Variants in LCLAT1 observed in about 807,000 individuals in gnomAD.
LCLAT1 encodes lysocardiolipin acyltransferase 1.
In LCLAT1, 11 loss-of-function variants were observed where a neutral mutation model predicts 30.7. That is an observed-to-expected ratio of 0.36 (90% CI 0.23 to 0.59). LCLAT1 has a LOEUF of 0.59. LCLAT1 is among the 20% of genes least tolerant of loss of function. The pLI, the probability that LCLAT1 is intolerant of heterozygous loss-of-function variation, is 0.77. For synonymous variants in LCLAT1, 155 were observed against 151.3 expected (o/e 1.02, Z -0.18); for missense variants, 402 against 458.6 (o/e 0.88, Z 1.13).
chr2:30,458,147 G>A (rs1681927058), intron 1 of LCLAT1, among the ~76,000 whole-genome samples: 1 of 152,170 alleles, frequency 6.6e-6, no homozygotes, highest in Non-Finnish European at 1.5e-5. Flanking sequence ...AGTTGCTTTT[G>A]GAGAGGTAGA....
intron 1 of LCLAT1, among the ~76,000 whole-genome samples, chr2:30,496,816 A>G (rs143563758): frequency 3.1e-4 from 47 of 152,310 alleles, no homozygotes; most frequent in African/African-American, 1.1e-3. Context: ...GATACCATAT[A>G]CACTGTGCTT....
intron 3 of LCLAT1, chr2:30,552,681 T>G (rs1664734989): frequency 3.6e-6 from 1 of 275,472 alleles, no homozygotes; most frequent in Admixed American, 4.6e-5. Context: ...CTTCCTTAAC[T>G]TTATCTATCC....
chr2:30,513,910 A>G (rs1165553301), intron 1 of LCLAT1, among the ~76,000 whole-genome samples: 1 of 152,366 alleles, frequency 6.6e-6, no homozygotes, highest in East Asian at 1.9e-4. Context: ...TCTAAAATGT[A>G]TAAAACCAAA....
At chr2:30,558,038 A>G (rs1318565305) in intron 3 of LCLAT1, among the ~76,000 whole-genome samples, 1 of 152,228 alleles carries the variant, frequency 6.6e-6, no homozygotes, top group Admixed American at 6.5e-5. Context: ...CTAAAACAGT[A>G]AAGCTAATAG....
intron 1 of LCLAT1, among the ~76,000 whole-genome samples, chr2:30,488,647 C>T (rs1683678711): frequency 1.3e-5 from 2 of 152,216 alleles, no homozygotes; most frequent in South Asian, 4.1e-4. Context: ...AGTTTTAGCA[C>T]TCAATAACTC....
intron 5 of LCLAT1, among the ~76,000 whole-genome samples, chr2:30,592,826 G>A (rs1188689498): frequency 6.6e-6 from 1 of 150,834 alleles, no homozygotes; most frequent in Non-Finnish European, 1.5e-5. Flanking sequence ...TGTATTTTGG[G>A]GGGCATATGT....
chr2:30,449,127 A>G (rs998920192), intron 1 of LCLAT1, among the ~76,000 whole-genome samples: 1 of 152,212 alleles, frequency 6.6e-6, no homozygotes, highest in Non-Finnish European at 1.5e-5. Flanking sequence ...TAATTTGTCC[A>G]TATCACACAA....
At chr2:30,619,175 A>G (rs1445427093) in intron 5 of LCLAT1, among the ~76,000 whole-genome samples, 2 of 152,212 alleles carry the variant, frequency 1.3e-5, no homozygotes, top group East Asian at 1.9e-4. Flanking sequence ...GTTGAGAACC[A>G]CTGGTTTTGA....
intron 5 of LCLAT1, among the ~76,000 whole-genome samples, chr2:30,578,881 A>C (rs977743599): frequency 6.6e-6 from 1 of 152,174 alleles, no homozygotes; most frequent in Non-Finnish European, 1.5e-5. Flanking sequence ...TGACCACAAC[A>C]AGTTCATAAT....
At chr2:30,552,173 A>G (rs1664709683) in intron 3 of LCLAT1, among the ~76,000 whole-genome samples, 1 of 152,242 alleles carries the variant, frequency 6.6e-6, no homozygotes, top group Non-Finnish European at 1.5e-5. Flanking sequence ...CTCAGATAAT[A>G]GCTCATTTAG....
At chr2:30,590,193 TA>T (rs1463804327) in intron 5 of LCLAT1, among the ~76,000 whole-genome samples, 2 of 152,116 alleles carry the variant, frequency 1.3e-5, no homozygotes, top group Non-Finnish European at 2.9e-5. Context: ...TCATTTTAAA[TA>T]AACGCCTAGT....
At position 30,547,377 on chromosome 2, in the gene LCLAT1, T is replaced by A. The variant is rs78170188; in HGVS notation, c.364+14063T>A. On this transcript the variant is annotated intron_variant, in intron 3 of 5. Coordinates refer to ENST00000379509, the MANE Select transcript of LCLAT1 (RefSeq NM_001002257.3). The stretch of plus-strand genomic sequence containing the variant: ...TTCTTCCTCTGTGTTATTCCACATA[T>A]TACTTAATAACTAAAGGTCAGAAGT... 4.2e-3 allele frequency among the ~76,000 whole-genome samples: 647 copies of A among 152,334 alleles called. 7 individuals carry two copies. Among genetic ancestry groups the A allele is most frequent in the African/African-American group, 0.015 (612 of 41,586 alleles).
At chr2:30,465,834 A>G (rs1034089295) in intron 1 of LCLAT1, among the ~76,000 whole-genome samples, 1 of 152,204 alleles carries the variant, frequency 6.6e-6, no homozygotes, top group South Asian at 2.1e-4. Flanking sequence ...TTCTCTTATT[A>G]GTGAAGTGGC....
At chr2:30,619,455 C>T (rs1366059330) in intron 5 of LCLAT1, among the ~76,000 whole-genome samples, 1 of 152,204 alleles carries the variant, frequency 6.6e-6, no homozygotes, top group Non-Finnish European at 1.5e-5. Flanking sequence ...CTTCACTTTC[C>T]ATCTTATCCC....
At chr2:30,494,064 A>C (rs1683975634) in intron 1 of LCLAT1, among the ~76,000 whole-genome samples, 4 of 152,020 alleles carry the variant, frequency 2.6e-5, no homozygotes. Flanking sequence ...TAGAAGAATA[A>C]AAAAATAATT....
chr2:30,553,586 C>T (rs911504797), intron 3 of LCLAT1, among the ~76,000 whole-genome samples: 2 of 152,008 alleles, frequency 1.3e-5, no homozygotes, highest in African/African-American at 2.4e-5. Context: ...GAGGCCGAGG[C>T]GGGTGGATCA....
chr2:30,483,839 G>A (rs1448353850), intron 1 of LCLAT1, among the ~76,000 whole-genome samples: 1 of 152,190 alleles, frequency 6.6e-6, no homozygotes, highest in Non-Finnish European at 1.5e-5. Context: ...GCAGCATAGT[G>A]AATGGGAACG....
Position 30,641,836 on chromosome 2 carries a change from TTC to T in LCLAT1, c.*1219_*1220del, listed in dbSNP as rs1669321614. ...TCCAGCACACCAAGCACCAGTCTTC[TTC>T]TGAGGCAAAAGAAAAGTGTTGTCAT... On this transcript the variant is annotated 3_prime_UTR_variant, in exon 6 of 6. Transcript: ENST00000379509. The T allele has an allele frequency of 6.6e-6, 1 of 152,060 alleles. No homozygotes were observed. The highest frequency in any genetic ancestry group is 2.4e-5 in the African/African-American group (1 of 41,450). 9.4% of individuals were successfully genotyped at this position (152,060 alleles called of 1,614,324 possible). A position where few individuals can be genotyped will look rare whatever the true frequency, so the allele number is the denominator to read the frequency against.
intron 4 of LCLAT1, among the ~76,000 whole-genome samples, chr2:30,563,731 C>T (rs998525876): frequency 3.9e-5 from 6 of 152,026 alleles, no homozygotes; most frequent in Non-Finnish European, 7.4e-5. Context: ...ATACTGTGCA[C>T]ATAATAATTT....
Sources: gnomAD v4.1 joint callset for allele counts (sites outside exome capture counted in the v4.1 genomes callset) on GRCh38, gnomAD v4.1.1 for gene constraint, MANE v1.5 for transcripts, NCBI Gene and HGNC (gene_info 2026-07-23, HGNC 2026-07-21) for gene names.